Variants in DOCK4 observed in about 807,000 individuals in gnomAD.
DOCK4 encodes dedicator of cytokinesis protein 4.
DOCK4 carries 97 observed loss-of-function variants against 268.1 expected under a neutral mutation model. The observed-to-expected ratio is 0.36, with a 90% CI of 0.31 to 0.43. The LOEUF is 0.43. Among genes scored for constraint, DOCK4 ranks in the 20% least tolerant of loss-of-function variants. DOCK4 has a pLI of 1.00. For synonymous variants in DOCK4, 954 were observed against 887.2 expected (o/e 1.08, Z -1.34); for missense variants, 2,145 against 2,455.7 (o/e 0.87, Z 2.67).
rs551505063 is a variant in DOCK4 at position 111,940,506 on chromosome 7, G to A, written c.845-264C>T. On this transcript the variant is annotated intron_variant, in intron 10 of 52. Coordinates refer to ENST00000428084, the MANE Select transcript of DOCK4 (RefSeq NM_001363540.2). Reference sequence around the variant, plus strand: ...AAAGACTGGAACAGATCCCATGTTTGGGAACCATCCCCTGGCCCCTGAGAT... The same window carrying A: ...AAAGACTGGAACAGATCCCATGTTTAGGAACCATCCCCTGGCCCCTGAGAT... Among the ~76,000 whole-genome samples, 5 of 152,320 alleles carry A rather than the reference G, an allele frequency of 3.3e-5. No homozygotes were observed. The South Asian group carries it at 1.0e-3, about 32-fold the overall frequency.
At chr7:111,943,935 A>AT (rs753272941) in intron 10 of DOCK4, among the ~76,000 whole-genome samples, 4 of 152,256 alleles carry the variant, frequency 2.6e-5, no homozygotes, top group African/African-American at 4.8e-5. Context: ...ACATGGCAAG[A>AT]TATTACTATC....
intron 13 of DOCK4, among the ~76,000 whole-genome samples, chr7:111,910,208 T>C (rs1402850431): frequency 1.3e-5 from 2 of 152,086 alleles, no homozygotes; most frequent in African/African-American, 4.8e-5. Flanking sequence ...AAAATGGACA[T>C]TTGGGGAGCA....
chr7:111,820,243 C>A (rs929033169), intron 27 of DOCK4: 2 of 152,192 alleles, frequency 1.3e-5, no homozygotes, highest in African/African-American at 4.8e-5. Flanking sequence ...CTGGCTGCTC[C>A]AACTTGGCAG....
intron 39 of DOCK4, among the ~76,000 whole-genome samples, chr7:111,760,736 TTTTGTGTGTG>T (rs1045640849): frequency 1.1e-4 from 13 of 123,090 alleles, no homozygotes; most frequent in African/African-American, 3.6e-4. Context: ...GTTGTCTGCT[TTTTGTGTGTG>T]TGTGTGTGTG....
chr7:111,951,998 C>T (rs376080061), intron 8 of DOCK4, among the ~76,000 whole-genome samples: 9 of 151,830 alleles, frequency 5.9e-5, no homozygotes, highest in African/African-American at 2.2e-4. Flanking sequence ...TGTCACACTC[C>T]TGTTGTCCCA....
At chr7:112,135,188 T>C (rs1814208590) in intron 1 of DOCK4, among the ~76,000 whole-genome samples, 1 of 152,124 alleles carries the variant, frequency 6.6e-6, no homozygotes, top group Admixed American at 6.6e-5. Flanking sequence ...AAATTGAAAG[T>C]TGGTATATTT....
chr7:111,946,388 T>C (rs745774297), intron 8 of DOCK4, among the ~76,000 whole-genome samples: 6 of 152,140 alleles, frequency 3.9e-5, no homozygotes, highest in Non-Finnish European at 5.9e-5. Flanking sequence ...GGAGCTGCGG[T>C]GGCTCAGAAC....
intron 1 of DOCK4, among the ~76,000 whole-genome samples, chr7:112,028,195 A>C (rs144239507): frequency 3.5e-4 from 53 of 152,318 alleles, no homozygotes; most frequent in African/African-American, 1.2e-3. Flanking sequence ...GGAAGTGGTA[A>C]ATCGACTTTT....
intron 1 of DOCK4, among the ~76,000 whole-genome samples, chr7:112,150,009 TC>T: frequency 6.6e-6 from 1 of 152,308 alleles, no homozygotes; most frequent in East Asian, 1.9e-4. Context: ...TCTTATCGAA[TC>T]CTTCCAAAAG....
At chr7:112,049,641 A>G (rs912520598) in intron 1 of DOCK4, among the ~76,000 whole-genome samples, 3 of 152,170 alleles carry the variant, frequency 2.0e-5, no homozygotes, top group African/African-American at 7.2e-5. Context: ...GCTGTCTACA[A>G]GGAAAGCACT....
chr7:112,158,806 T>G (rs1273335390), intron 1 of DOCK4, among the ~76,000 whole-genome samples: 1 of 152,234 alleles, frequency 6.6e-6, no homozygotes, highest in Non-Finnish European at 1.5e-5. Flanking sequence ...TGGTTATAAA[T>G]GGATGTTTCT....
chr7:111,885,052 T>C (rs1041913180), intron 16 of DOCK4, among the ~76,000 whole-genome samples: 5 of 152,188 alleles, frequency 3.3e-5, no homozygotes, highest in African/African-American at 1.2e-4. Flanking sequence ...GAATAAACAG[T>C]CTTCCCATTA....
At chr7:112,034,526 C>G (rs1803568382) in intron 1 of DOCK4, among the ~76,000 whole-genome samples, 1 of 152,206 alleles carries the variant, frequency 6.6e-6, no homozygotes, top group Admixed American at 6.5e-5. Context: ...GGCACCCTGA[C>G]CACATTCCAA....
At chr7:111,948,151 TG>T (rs371707714) in intron 8 of DOCK4, among the ~76,000 whole-genome samples, 3 of 152,362 alleles carry the variant, frequency 2.0e-5, no homozygotes, top group African/African-American at 7.2e-5. Context: ...ACAGGTACTC[TG>T]CCAAGGACTT....
chr7:111,775,175 T>C (rs1468139919), intron 36 of DOCK4, among the ~76,000 whole-genome samples: 1 of 152,240 alleles, frequency 6.6e-6, no homozygotes, highest in African/African-American at 2.4e-5. Context: ...CATCAGGGTC[T>C]TCTGACTGAG....
chr7:111,978,816 C>G (rs930734750), intron 7 of DOCK4, among the ~76,000 whole-genome samples: 20 of 152,184 alleles, frequency 1.3e-4, no homozygotes, highest in African/African-American at 4.6e-4. Context: ...ACCAACAGTT[C>G]ACGGTCCAGC....
intron 13 of DOCK4, among the ~76,000 whole-genome samples, chr7:111,914,155 CA>C (rs1163221281): frequency 3.3e-5 from 5 of 152,150 alleles, no homozygotes; most frequent in Non-Finnish European, 5.9e-5. Flanking sequence ...TTTCGGGTTA[CA>C]GCGTGTCTCT....
At chr7:112,062,823 G>A (rs760049507) in intron 1 of DOCK4, among the ~76,000 whole-genome samples, 14 of 152,090 alleles carry the variant, frequency 9.2e-5, no homozygotes, top group Non-Finnish European at 1.6e-4. Flanking sequence ...TATTACAGGC[G>A]TGTGTCACCA....
At chr7:112,003,050 CAA>C (rs60702171) in intron 2 of DOCK4, among the ~76,000 whole-genome samples, 16 of 75,010 alleles carry the variant, frequency 2.1e-4, no homozygotes, top group Admixed American at 4.5e-4. Context: ...GACTCCATCT[CAA>C]AAAAAAAAAA....
Sources: allele counts gnomAD v4.1 joint callset (sites outside exome capture counted in the v4.1 genomes callset), GRCh38; gene constraint gnomAD v4.1.1; transcripts MANE v1.5; gene names NCBI Gene and HGNC (gene_info 2026-07-23, HGNC 2026-07-21).